Variants in CFAP299 observed in about 807,000 individuals in gnomAD.
The protein encoded by CFAP299 is cilia and flagella associated protein 299.
In CFAP299, 21 loss-of-function variants were observed where a neutral mutation model predicts 27.0. The ratio of observed to expected loss-of-function variants is 0.78; its 90% CI spans 0.55 to 1.12. The LOEUF is 1.12. CFAP299 is among the 50% of genes most tolerant of loss of function. CFAP299 has a pLI of 0.00. For synonymous variants in CFAP299, 104 were observed against 98.1 expected, an observed-to-expected ratio of 1.06 and a Z score of -0.36; for missense variants, 310 against 276.6, an observed-to-expected ratio of 1.12 and a Z score of -0.86.
chr4:80,885,054 A>G (rs186810069), intron 4 of CFAP299, among the ~76,000 whole-genome samples: 32 of 152,178 alleles, frequency 2.1e-4, no homozygotes, highest in Admixed American at 2.1e-3. Context: ...TTGGGGAGGG[A>G]GAGTTTAGTG....
intron 5 of CFAP299, among the ~76,000 whole-genome samples, chr4:80,951,636 G>T (rs1737783188): frequency 6.6e-6 from 1 of 152,086 alleles, no homozygotes; most frequent in Non-Finnish European, 1.5e-5. Flanking sequence ...TTAGATATCA[G>T]ACTGAATCCA....
chr4:80,442,728 C>A (rs1347560639), intron 2 of CFAP299, among the ~76,000 whole-genome samples: 1 of 152,034 alleles, frequency 6.6e-6, no homozygotes, highest in Non-Finnish European at 1.5e-5. Flanking sequence ...AAAAACCCTT[C>A]AAAAAATCAA....
chr4:80,528,481 C>G (rs1733304422), intron 2 of CFAP299, among the ~76,000 whole-genome samples: 1 of 152,102 alleles, frequency 6.6e-6, no homozygotes, highest in Non-Finnish European at 1.5e-5. Context: ...CAGTAATTCT[C>G]CAGCTGCCAG....
intron 3 of CFAP299, among the ~76,000 whole-genome samples, chr4:80,863,060 C>G (rs147518630): frequency 6.6e-6 from 1 of 152,054 alleles, no homozygotes; most frequent in Non-Finnish European, 1.5e-5. Context: ...TAGCACATAA[C>G]GATTCCTTCA....
chr4:80,324,144 A>G, the CFAP299 span, among the ~76,000 whole-genome samples: 3 of 151,716 alleles, frequency 2.0e-5, no homozygotes, highest in East Asian at 3.9e-4. Context: ...CTTGCCCCCA[A>G]CCCCTCGATA....
chr4:80,799,675 AT>A (rs1422616456), intron 3 of CFAP299, among the ~76,000 whole-genome samples: 4 of 39,452 alleles, frequency 1.0e-4, no homozygotes, highest in African/African-American at 1.2e-4. Flanking sequence ...TTATAAATAT[AT>A]ATTTATAAAT....
chr4:80,890,936 A>T (rs1388891640), intron 4 of CFAP299, among the ~76,000 whole-genome samples: 1 of 149,990 alleles, frequency 6.7e-6, no homozygotes, highest in Non-Finnish European at 1.5e-5. Context: ...AATTTGTTTG[A>T]GTTCATTGTA....
chr4:80,374,478 G>A (rs1406054051), intron 2 of CFAP299, among the ~76,000 whole-genome samples: 2 of 152,062 alleles, frequency 1.3e-5, no homozygotes, highest in Non-Finnish European at 2.9e-5. Flanking sequence ...GCTAGTTGTG[G>A]GGGTTTGCTA....
At chr4:80,430,293 G>T (rs1219282408) in intron 2 of CFAP299, among the ~76,000 whole-genome samples, 1 of 152,042 alleles carries the variant, frequency 6.6e-6, no homozygotes, top group African/African-American at 2.4e-5. Context: ...AAATCCATTG[G>T]CCAGTTCTCA....
chr4:80,831,553 G>T (rs1730303383), intron 3 of CFAP299, among the ~76,000 whole-genome samples: 1 of 152,088 alleles, frequency 6.6e-6, no homozygotes, highest in Non-Finnish European at 1.5e-5. Context: ...GAATGTGGGA[G>T]GGCTTATTAA....
chr4:80,777,332 C>A (rs1726607085), intron 3 of CFAP299, among the ~76,000 whole-genome samples: 2 of 152,096 alleles, frequency 1.3e-5, no homozygotes, highest in African/African-American at 4.8e-5. Context: ...CTGCATCCCA[C>A]ACCTCCTGAA....
chr4:80,484,201 C>G lies in CFAP299; in HGVS notation c.243-98892C>G, dbSNP rs138276073. 1.1e-3 allele frequency among the ~76,000 whole-genome samples: 162 copies of G among 152,040 alleles called. 2 individuals are homozygous for G. Among genetic ancestry groups the G allele is most frequent in the South Asian group, 2.1e-3 (10 of 4,820 alleles). ...TAGTATGGAATGATACTTGATTAAC[C>G]AATAGTATATTGTGAGTACTTCTAA... On this transcript the variant is annotated intron_variant, in intron 2 of 5. Coordinates refer to ENST00000358105, the MANE Select transcript of CFAP299 (RefSeq NM_152770.3).
At chr4:80,781,236 G>T (rs567050889) in intron 3 of CFAP299, among the ~76,000 whole-genome samples, 1 of 152,042 alleles carries the variant, frequency 6.6e-6, no homozygotes, top group Non-Finnish European at 1.5e-5. Context: ...TTTATCATCA[G>T]AAGTGTTTTA....
At chr4:80,617,784 T>A (rs1738370381) in intron 3 of CFAP299, among the ~76,000 whole-genome samples, 1 of 152,240 alleles carries the variant, frequency 6.6e-6, no homozygotes, top group East Asian at 1.9e-4. Flanking sequence ...TTAAAGCATA[T>A]TGAAACTAGA....
intron 2 of CFAP299, among the ~76,000 whole-genome samples, chr4:80,524,253 T>C (rs1463663425): frequency 6.6e-6 from 1 of 152,072 alleles, no homozygotes; most frequent in Non-Finnish European, 1.5e-5. Context: ...TTTTATTTTA[T>C]GCTTTTTCCT....
At chr4:80,929,351 A>ACACCACTATCCCTCCAGTCTCTGTAG (rs1450653007) in intron 4 of CFAP299, among the ~76,000 whole-genome samples, 2 of 140,472 alleles carry the variant, frequency 1.4e-5, no homozygotes, top group African/African-American at 6.2e-5. Context: ...AGTCTCTATG[A>ACACCACTATCCCTCCAGTCTCTGTAG]CACCACTATC....
At chr4:80,380,799 TG>T (rs1480143559) in intron 2 of CFAP299, among the ~76,000 whole-genome samples, 1 of 152,166 alleles carries the variant, frequency 6.6e-6, no homozygotes, top group Non-Finnish European at 1.5e-5. Context: ...TACAATCTGT[TG>T]TAAGCAAAAA....
chr4:80,384,410 T>G (rs2110023364), intron 2 of CFAP299, among the ~76,000 whole-genome samples: 1 of 152,330 alleles, frequency 6.6e-6, no homozygotes, highest in South Asian at 2.1e-4. Context: ...AATCTTGAGT[T>G]TATGAAGAGT....
chr4:80,515,109 A>G (rs1233253341), intron 2 of CFAP299, among the ~76,000 whole-genome samples: 1 of 152,154 alleles, frequency 6.6e-6, no homozygotes, highest in Non-Finnish European at 1.5e-5. Context: ...AAATTTCTCT[A>G]CATTTGTTTA....
Sources: gnomAD v4.1 joint callset for allele counts (sites outside exome capture counted in the v4.1 genomes callset) on GRCh38, gnomAD v4.1.1 for gene constraint, MANE v1.5 for transcripts, NCBI Gene and HGNC (gene_info 2026-07-23, HGNC 2026-07-21) for gene names.